Variants in FLRT2 observed in about 807,000 individuals in gnomAD.
FLRT2 encodes the protein fibronectin leucine rich transmembrane protein 2.
FLRT2 carries 15 observed loss-of-function variants against 40.0 expected under a neutral mutation model. That is an observed-to-expected ratio of 0.38 (90% CI 0.25 to 0.58). The LOEUF is 0.58. Ranked by LOEUF, FLRT2 falls within the 20% of genes least tolerant of loss-of-function variation. The pLI is 0.71. For missense variants in FLRT2, 726 were observed against 840.0 expected (o/e 0.86, Z 1.68); for synonymous variants, 380 against 336.8 (o/e 1.13, Z -1.41).
In FLRT2 at chr14:85,636,063, C is replaced by T. The variant is rs1273227528; in HGVS notation, c.*12566C>T. The stretch of plus-strand genomic sequence containing the variant: ...GTCCTTGGGACTCAGATTAAGGTAT[C>T]ATTACCTGTTCTTTCATAAGCTGTT... On this transcript the variant is annotated 3_prime_UTR_variant, in exon 2 of 2. Coordinates refer to ENST00000330753, the MANE Select transcript of FLRT2 (RefSeq NM_013231.6). The T allele has an allele frequency of 1.3e-5, 2 of 151,972 alleles. No homozygotes were observed. Among genetic ancestry groups the T allele is most frequent in the African/African-American group, 4.8e-5 (2 of 41,392 alleles). The allele number at this position is 151,972 out of a possible 1,614,324, so 9.4% of individuals were successfully genotyped here.
rs1893830461 is a variant in FLRT2 at position 85,630,259 on chromosome 14, A to T, written c.*6762A>T. 1 of 150,290 alleles carries T rather than the reference A, an allele frequency of 6.7e-6. No individual in the cohort carries two copies. Among genetic ancestry groups the T allele is most frequent in the East Asian group, 1.9e-4 (1 of 5,132 alleles). 9.3% of individuals were successfully genotyped at this position (150,290 alleles called of 1,614,324 possible). On this transcript the variant is annotated 3_prime_UTR_variant, in exon 2 of 2. Coordinates refer to ENST00000330753, the MANE Select transcript of FLRT2 (RefSeq NM_013231.6). ...CAAACTATATGTCATTTTAGCACAC[A>T]CATACCAATGGGTGATCATATCTGT...
At chr14:85,598,347 G>T (rs1892230843) in intron 1 of FLRT2, among the ~76,000 whole-genome samples, 1 of 152,216 alleles carries the variant, frequency 6.6e-6, no homozygotes, top group South Asian at 2.1e-4. Flanking sequence ...GAATGATGGA[G>T]TGGGATTGGG....
chr14:85,587,687 G>C (rs916276254), intron 1 of FLRT2, among the ~76,000 whole-genome samples: 1 of 151,758 alleles, frequency 6.6e-6, no homozygotes, highest in Admixed American at 6.6e-5. Flanking sequence ...CAGCTCAAAA[G>C]AACAAAATCA....
At chr14:85,614,777 T>C (rs1011337983) in intron 1 of FLRT2, among the ~76,000 whole-genome samples, 14 of 152,094 alleles carry the variant, frequency 9.2e-5, no homozygotes, top group Admixed American at 4.6e-4. Flanking sequence ...GAGGGGGAAA[T>C]ATTTTTCCCA....
rs1161638215 is a variant in FLRT2, at chr14:85,642,224, C to A, written c.*18727C>A. ...TATAATTTCAGTTGAATCACACCCTCATCAGGTCTTCTCTGTGAAAATTAG... is the reference window on the plus strand; with the variant it reads ...TATAATTTCAGTTGAATCACACCCTAATCAGGTCTTCTCTGTGAAAATTAG... On this transcript the variant is annotated 3_prime_UTR_variant, in exon 2 of 2. Transcript: ENST00000330753. The A allele has an allele frequency of 6.6e-6, 1 of 151,788 alleles. No homozygotes were observed. The highest frequency in any genetic ancestry group is 6.6e-5 in the Admixed American group (1 of 15,240). 9.4% of individuals were successfully genotyped at this position (151,788 alleles called of 1,614,324 possible). A position where few individuals can be genotyped will look rare whatever the true frequency, so the allele number is the denominator to read the frequency against.
intron 1 of FLRT2, 65 bp downstream of exon 1, chr14:85,530,599 C>A (rs1028583022): frequency 6.7e-6 from 1 of 149,398 alleles, no homozygotes; most frequent in African/African-American, 2.5e-5. Context: ...TACGCTGGCA[C>A]CACGCTGTCT....
rs905965032 is a variant in FLRT2, at chr14:85,651,628, T to C, written c.*28131T>C. 6.6e-6 allele frequency: 1 copy of C among 152,130 alleles called. No individual in the cohort carries two copies. The highest frequency in any genetic ancestry group is 2.4e-5 in the African/African-American group (1 of 41,456). The allele number at this position is 152,130 out of a possible 1,614,324, so 9.4% of individuals were successfully genotyped here. A position where few individuals can be genotyped will look rare whatever the true frequency, so the allele number is the denominator to read the frequency against. ...AGAAGTACATTTTGTTTTATTGCTTTAAACTCTATTTTGATTGTTTTTAAT... is the reference window on the plus strand; with the variant it reads ...AGAAGTACATTTTGTTTTATTGCTTCAAACTCTATTTTGATTGTTTTTAAT... On this transcript the variant is annotated 3_prime_UTR_variant, in exon 2 of 2. Transcript: ENST00000330753.
Position 85,587,303 on chromosome 14 carries a change from A to G in FLRT2, c.-376-33836A>G, listed in dbSNP as rs72693207. On this transcript the variant is annotated intron_variant, in intron 1 of 1. Coordinates refer to ENST00000330753, the MANE Select transcript of FLRT2 (RefSeq NM_013231.6). Reference sequence around the variant, plus strand: ...TAAGGAATGGAAAAAAAAAAAAAAAAAAGAAGAAAGCAGAGCTCATCTTGA... The same window carrying G: ...TAAGGAATGGAAAAAAAAAAAAAAAGAAGAAGAAAGCAGAGCTCATCTTGA... 2.2e-3 allele frequency among the ~76,000 whole-genome samples: 327 copies of G among 147,636 alleles called. 3 individuals carry two copies. The highest frequency in any genetic ancestry group is 0.014 in the Middle Eastern group (4 of 282).
intron 1 of FLRT2, among the ~76,000 whole-genome samples, chr14:85,607,383 C>T (rs769332941): frequency 8.5e-5 from 13 of 152,088 alleles, no homozygotes; most frequent in African/African-American, 1.2e-4. Context: ...TAGAGTTAGG[C>T]GATATGACTT....
intron 1 of FLRT2, among the ~76,000 whole-genome samples, chr14:85,616,596 T>C (rs188737385): frequency 2.6e-5 from 4 of 152,296 alleles, no homozygotes; most frequent in Admixed American, 2.6e-4. Flanking sequence ...GTGCAGAACT[T>C]ACATTTCTTC....
At chr14:85,562,441 G>A (rs1441325892) in intron 1 of FLRT2, among the ~76,000 whole-genome samples, 1 of 152,072 alleles carries the variant, frequency 6.6e-6, no homozygotes, top group African/African-American at 2.4e-5. Context: ...CCAAATGCAG[G>A]TTATTTGACT....
chr14:85,599,933 G>A (rs996545208), intron 1 of FLRT2, among the ~76,000 whole-genome samples: 1 of 138,696 alleles, frequency 7.2e-6, no homozygotes, highest in African/African-American at 2.5e-5. Context: ...GTCACAGGCA[G>A]TAGAAATAAA....
chr14:85,615,549 A>T (rs17713712), intron 1 of FLRT2, among the ~76,000 whole-genome samples: 59,065 of 151,742 alleles, frequency 0.39, 11,860 homozygotes, highest in African/African-American at 0.42. Context: ...GTAAAGAGAA[A>T]TATCTGCCTA....
Position 85,638,207 on chromosome 14 carries a change from C to A in FLRT2, c.*14710C>A, listed in dbSNP as rs915563824. ...GATGGACAGACGCCACCGCAGAGAG[C>A]AAGGTTTACCTGTGTGGTTGGCATT... is the stretch of plus-strand genomic sequence containing the variant. On this transcript the variant is annotated 3_prime_UTR_variant, in exon 2 of 2. Transcript: ENST00000330753. 22 of 152,170 alleles carry A rather than the reference C, an allele frequency of 1.4e-4. No homozygotes were observed. Among genetic ancestry groups the A allele is most frequent in the African/African-American group, 4.1e-4 (17 of 41,434 alleles). The allele number at this position is 152,170 out of a possible 1,614,324, so 9.4% of individuals were successfully genotyped here.
chr14:85,611,917 CG>C (rs1892889242), intron 1 of FLRT2, among the ~76,000 whole-genome samples: 1 of 130,932 alleles, frequency 7.6e-6, no homozygotes, highest in African/African-American at 2.8e-5. Flanking sequence ...TGCGCGAAAG[CG>C]TGTGTGTGTG....
At chr14:85,547,477 C>T (rs1013985465) in intron 1 of FLRT2, among the ~76,000 whole-genome samples, 2 of 152,046 alleles carry the variant, frequency 1.3e-5, no homozygotes, top group African/African-American at 4.8e-5. Context: ...GTGCCTGCCA[C>T]CACACCCGGC....
At chr14:85,616,934 G>A (rs1255591581) in intron 1 of FLRT2, among the ~76,000 whole-genome samples, 5 of 152,194 alleles carry the variant, frequency 3.3e-5, no homozygotes, top group African/African-American at 4.8e-5. Flanking sequence ...CATGGGAGAA[G>A]TATTTTTAGG....
At chr14:85,592,804 A>AAAG (rs1891959229) in intron 1 of FLRT2, among the ~76,000 whole-genome samples, 4 of 101,810 alleles carry the variant, frequency 3.9e-5, no homozygotes, top group Non-Finnish European at 8.2e-5. Flanking sequence ...AAAAAAAAAA[A>AAAG]AAAGAAAAAA....
In FLRT2 at chr14:85,636,283, G is replaced by A. The variant is rs1366951876; in HGVS notation, c.*12786G>A. 1 of 144,316 alleles carries A rather than the reference G, an allele frequency of 6.9e-6. No individual in the cohort carries two copies. The highest frequency in any genetic ancestry group is 2.2e-4 in the East Asian group (1 of 4,470). 8.9% of individuals were successfully genotyped at this position (144,316 alleles called of 1,614,324 possible). ...ATTTATCAAAGTAACTATAATAAAAGTATTTAATGGTATTTGTATTGCAAA... is the reference window on the plus strand; with the variant it reads ...ATTTATCAAAGTAACTATAATAAAAATATTTAATGGTATTTGTATTGCAAA... On this transcript the variant is annotated 3_prime_UTR_variant, in exon 2 of 2. Transcript: ENST00000330753.
Sources: gnomAD v4.1 joint callset for allele counts (sites outside exome capture counted in the v4.1 genomes callset) on GRCh38, gnomAD v4.1.1 for gene constraint, MANE v1.5 for transcripts, NCBI Gene and HGNC (gene_info 2026-07-23, HGNC 2026-07-21) for gene names.